The following TFEC variants were observed in gnomAD, a reference collection of about 807,000 sequenced individuals.
TFEC encodes class E basic helix-loop-helix protein 34.
Under a neutral mutation model 41.6 loss-of-function variants are expected in TFEC, and 31 were observed. The ratio of observed to expected loss-of-function variants is 0.74; its 90% CI spans 0.56 to 1.01. The LOEUF (loss-of-function observed/expected upper bound fraction) is 1.01, where lower values mean the gene tolerates loss of function less well. Ranked by LOEUF, TFEC falls within the 50% of genes least tolerant of loss-of-function variation. TFEC has a pLI of 0.00. For missense variants in TFEC, 402 were observed against 404.1 expected (o/e 0.99, Z 0.04); for synonymous variants, 143 against 140.6 (o/e 1.02, Z -0.12).
chr7:116,030,566 A>G lies in TFEC; in HGVS notation c.-73+67T>C, dbSNP rs925246976. ...CCACACATATCAAAATAAAACAAGT[A>G]TTGATTAGTTTGTCTTCCTAGTTTG... On this transcript the variant is annotated intron_variant, in intron 1 of 7. Transcript: ENST00000265440. The G allele has an allele frequency of 3.3e-6, 3 of 911,444 alleles. No homozygotes were observed. The African/African-American group carries it at 5.4e-5, about 16-fold the overall frequency. The allele number at this position is 911,444 out of a possible 1,614,324, so 56.5% of individuals were successfully genotyped here.
chr7:116,150,704 G>T (rs1004600026), intron 1 of TFEC, among the ~76,000 whole-genome samples: 5 of 151,682 alleles, frequency 3.3e-5, no homozygotes, highest in Non-Finnish European at 7.4e-5. Context: ...TATAGTTAGG[G>T]GAATGCTATT....
At chr7:116,023,178 C>G (rs916981539) in intron 1 of TFEC, among the ~76,000 whole-genome samples, 2 of 151,688 alleles carry the variant, frequency 1.3e-5, no homozygotes, top group African/African-American at 4.8e-5. Context: ...GTAAGTAAAT[C>G]AAAAGAACTA....
intron 1 of TFEC, among the ~76,000 whole-genome samples, chr7:116,133,667 CT>C (rs201145425): frequency 8.3e-5 from 12 of 144,866 alleles, no homozygotes; most frequent in African/African-American, 2.6e-4. Flanking sequence ...AAAAATGTAG[CT>C]TTTTTTTCCT....
At chr7:116,072,152 T>C (rs796703989) in intron 3 of TFEC, among the ~76,000 whole-genome samples, 7 of 151,640 alleles carry the variant, frequency 4.6e-5, no homozygotes, top group African/African-American at 1.2e-4. Flanking sequence ...CAGAAAGCTA[T>C]GTTTACATTT....
intron 1 of TFEC, among the ~76,000 whole-genome samples, chr7:116,126,919 C>G (rs978464224): frequency 1.1e-4 from 16 of 152,004 alleles, no homozygotes; most frequent in Non-Finnish European, 2.2e-4. Flanking sequence ...AAAAAAGAAC[C>G]CTTCGACAAA....
chr7:115,950,701 T>C (rs1408215947), intron 6 of TFEC, among the ~76,000 whole-genome samples, 173 bp downstream of exon 6: 1 of 152,090 alleles, frequency 6.6e-6, no homozygotes, highest in African/African-American at 2.4e-5. Flanking sequence ...GCCCTGATGC[T>C]CAATAACAAT....
intron 3 of TFEC, among the ~76,000 whole-genome samples, chr7:116,105,059 C>A (rs530669446): frequency 6.6e-6 from 1 of 152,252 alleles, no homozygotes; most frequent in African/African-American, 2.4e-5. Context: ...AATCCGACCT[C>A]CATTCCCTGC....
chr7:115,963,517 C>A (rs540123254), intron 3 of TFEC, among the ~76,000 whole-genome samples: 2 of 151,758 alleles, frequency 1.3e-5, no homozygotes, highest in African/African-American at 4.8e-5. Context: ...TTACAATAGT[C>A]AAATGTCCAT....
chr7:116,052,247 A>T (rs986971740), intron 3 of TFEC, among the ~76,000 whole-genome samples: 1 of 152,110 alleles, frequency 6.6e-6, no homozygotes, highest in Admixed American at 6.6e-5. Context: ...AGAAATTCTC[A>T]TCTTGCAAAT....
intron 1 of TFEC, among the ~76,000 whole-genome samples, chr7:115,985,254 C>T (rs1793800511): frequency 6.6e-6 from 1 of 152,026 alleles, no homozygotes; most frequent in Admixed American, 6.6e-5. Context: ...TCAAAATATA[C>T]CACATACTTT....
intron 3 of TFEC, among the ~76,000 whole-genome samples, chr7:115,962,555 A>C (rs984372069): frequency 6.6e-6 from 1 of 151,778 alleles, no homozygotes; most frequent in Admixed American, 6.6e-5. Flanking sequence ...TGGTCAAATG[A>C]TTTTTGACAA....
At chr7:115,985,590 A>G (rs939074221) in intron 1 of TFEC, among the ~76,000 whole-genome samples, 1 of 152,120 alleles carries the variant, frequency 6.6e-6, no homozygotes, top group Non-Finnish European at 1.5e-5. Flanking sequence ...GCCTCTACAA[A>G]GTATTTTGCA....
intron 6 of TFEC, among the ~76,000 whole-genome samples, chr7:115,949,178 A>C (rs200914798): frequency 0.2 from 30,588 of 151,790 alleles, 3,273 homozygotes; most frequent in East Asian, 0.4. Flanking sequence ...AACTACAAAC[A>C]ACTGCTCAAG....
At chr7:116,131,025 T>C (rs999642094) in intron 1 of TFEC, among the ~76,000 whole-genome samples, 3 of 152,348 alleles carry the variant, frequency 2.0e-5, no homozygotes, top group African/African-American at 7.2e-5. Context: ...TGGATGAACT[T>C]TCCTTTTACT....
chr7:116,079,483 T>C (rs1797038858), intron 3 of TFEC, among the ~76,000 whole-genome samples: 1 of 152,040 alleles, frequency 6.6e-6, no homozygotes, highest in Admixed American at 6.6e-5. Flanking sequence ...TCGGTGATGT[T>C]TCAGGATACA....
rs1373340934 is a variant in TFEC, at chr7:115,984,340, G to C, written c.102C>G (p.Asp34Glu). Residue 34 changes from aspartate (D) to glutamate (E), a missense_variant, in exon 2 of 8, where the codon GAC (aspartate) becomes GAG (glutamate). Transcript: ENST00000265440. ...GGTTTTCTGTGAGGCCAGCATCACT[G>C]TCCAGAGTTGTGTGTGCATGCTGCA... The part of the protein sequence containing the change: ...PLVQHAHTTL[D>E]SDAGLTENPL... 6.2e-7 allele frequency: 1 copy of C among 1,614,120 alleles called. No homozygotes were observed. Among genetic ancestry groups the C allele is most frequent in the Non-Finnish European group, 8.5e-7 (1 of 1,179,976 alleles).
At chr7:116,158,901 C>A (rs1798921449) in intron 1 of TFEC, among the ~76,000 whole-genome samples, 1 of 151,876 alleles carries the variant, frequency 6.6e-6, no homozygotes, top group African/African-American at 2.4e-5. Flanking sequence ...CAAAAATGTA[C>A]AAAGATTTCT....
chr7:115,975,232 CTT>C (rs1305855175), intron 2 of TFEC, among the ~76,000 whole-genome samples: 1 of 152,000 alleles, frequency 6.6e-6, no homozygotes, highest in Non-Finnish European at 1.5e-5. Flanking sequence ...CTCTCTCTCT[CTT>C]TCTCTCTCTC....
At chr7:116,069,660 T>C (rs1796778844) in intron 3 of TFEC, among the ~76,000 whole-genome samples, 1 of 151,716 alleles carries the variant, frequency 6.6e-6, no homozygotes, top group South Asian at 2.1e-4. Context: ...GCTAATGCTA[T>C]GCCAGCAATG....
Sources: allele counts gnomAD v4.1 joint callset (sites outside exome capture counted in the v4.1 genomes callset), GRCh38; gene constraint gnomAD v4.1.1; transcripts MANE v1.5; gene names NCBI Gene and HGNC (gene_info 2026-07-23, HGNC 2026-07-21).